The following ADAM10 variants were observed in gnomAD, a reference collection of about 807,000 sequenced individuals.
The protein encoded by ADAM10 is ADAM metallopeptidase domain 10.
ADAM10 carries 17 observed loss-of-function variants against 90.1 expected under a neutral mutation model. The ratio of observed to expected loss-of-function variants is 0.19; its 90% CI spans 0.13 to 0.28. The LOEUF is 0.28. Among genes scored for constraint, ADAM10 ranks in the 10% least tolerant of loss-of-function variants. The pLI is 1.00. For synonymous variants in ADAM10, 310 were observed against 298.6 expected (o/e 1.04, Z -0.40); for missense variants, 610 against 914.3 (o/e 0.67, Z 4.29).
At chr15:58,705,368 T>C (rs949939773) in intron 2 of ADAM10, among the ~76,000 whole-genome samples, 3 of 152,208 alleles carry the variant, frequency 2.0e-5, no homozygotes, top group Non-Finnish European at 4.4e-5. Flanking sequence ...ATAGCGGTTC[T>C]ATTATGATTC....
intron 2 of ADAM10, chr15:58,693,011 A>T: frequency 1.3e-6 from 1 of 781,536 alleles, no homozygotes. Flanking sequence ...TCCAACTTGG[A>T]AGGGTCTGTC....
intron 1 of ADAM10, among the ~76,000 whole-genome samples, chr15:58,739,922 G>A (rs898655420): frequency 2.2e-4 from 34 of 152,282 alleles, no homozygotes; most frequent in Admixed American, 1.7e-3. Flanking sequence ...GTATCCAGAA[G>A]TCCAGTCCAC....
intron 1 of ADAM10, among the ~76,000 whole-genome samples, chr15:58,727,207 C>A (rs956833703): frequency 1.4e-5 from 1 of 71,032 alleles, no homozygotes; most frequent in African/African-American, 8.2e-5. Context: ...TTTTTTTTTC[C>A]CAAAAACAGC....
At chr15:58,684,622 C>G (rs1365773719) in intron 2 of ADAM10, among the ~76,000 whole-genome samples, 2 of 152,238 alleles carry the variant, frequency 1.3e-5, no homozygotes, top group African/African-American at 4.8e-5. Context: ...TCCCACATTC[C>G]TACGCATCTC....
At chr15:58,641,077 T>C in intron 7 of ADAM10, 117 bp from the exon 8 acceptor site, 1 of 996,540 alleles carries the variant, frequency 1.0e-6, no homozygotes, top group Non-Finnish European at 1.5e-6. Flanking sequence ...AAATCAGGCC[T>C]GAATTAAGGC....
intron 1 of ADAM10, among the ~76,000 whole-genome samples, chr15:58,744,400 A>C (rs186353063): frequency 3.3e-4 from 51 of 152,364 alleles, no homozygotes; most frequent in African/African-American, 1.1e-3. Context: ...TACTAGAAAC[A>C]ACCAATTAGA....
chr15:58,706,529 T>C (rs1173323963), intron 2 of ADAM10, among the ~76,000 whole-genome samples: 1 of 152,190 alleles, frequency 6.6e-6, no homozygotes, highest in Admixed American at 6.5e-5. Context: ...GCCAATTATC[T>C]TCCACTAGTA....
Position 58,647,779 on chromosome 15 carries a change from C to T in ADAM10, c.586-1575G>A, listed in dbSNP as rs565936041. Among the ~76,000 whole-genome samples, 7 of 152,260 alleles carry T rather than the reference C, an allele frequency of 4.6e-5. No homozygotes were observed. In the South Asian group the frequency reaches 1.5e-3, roughly 32 times the overall value. On this transcript the variant is annotated intron_variant, in intron 5 of 15. Coordinates refer to ENST00000260408, the MANE Select transcript of ADAM10 (RefSeq NM_001110.4). The stretch of plus-strand genomic sequence containing the variant: ...TGTTGCCCAGGCTGGTCATGAGCTC[C>T]TGGTCTCAAGTAATCCTCCTGTCTC...
chr15:58,609,169 T>C (rs957196000), intron 14 of ADAM10: 7 of 152,118 alleles, frequency 4.6e-5, no homozygotes, highest in Non-Finnish European at 8.8e-5. Flanking sequence ...ACAACTTCAG[T>C]TTGACAGGTA....
intron 7 of ADAM10, 90 bp downstream of exon 7, chr15:58,643,796 T>C (rs570902345): frequency 1.3e-5 from 14 of 1,067,686 alleles, no homozygotes; most frequent in African/African-American, 3.1e-5. Flanking sequence ...TTCATAAAGA[T>C]AAAATTAAAA....
At chr15:58,623,331 C>T (rs371181259) in intron 10 of ADAM10, among the ~76,000 whole-genome samples, 9 of 152,210 alleles carry the variant, frequency 5.9e-5, no homozygotes, top group East Asian at 5.8e-4. Context: ...ACATAGGAGC[C>T]TAGCTGAACC....
chr15:58,701,023 A>AAAC (rs1567002211), intron 2 of ADAM10, among the ~76,000 whole-genome samples: 2 of 23,144 alleles, frequency 8.6e-5, no homozygotes, highest in South Asian at 1.7e-3. Context: ...ACAAAAAAAC[A>AAAC]AAAAAAAAAA....
At chr15:58,690,502 T>G (rs1897748014) in intron 2 of ADAM10, among the ~76,000 whole-genome samples, 1 of 152,116 alleles carries the variant, frequency 6.6e-6, no homozygotes, top group South Asian at 2.1e-4. Context: ...TTTACATACT[T>G]TCAGAACAAA....
intron 1 of ADAM10, among the ~76,000 whole-genome samples, chr15:58,731,823 C>T (rs922252885): frequency 6.6e-6 from 1 of 152,058 alleles, no homozygotes; most frequent in East Asian, 1.9e-4. Flanking sequence ...AAGCCCACCC[C>T]ATGACATGTG....
At position 58,646,237 on chromosome 15, in the gene ADAM10, T is replaced by C. The variant is rs12912286; in HGVS notation, c.586-33A>G. 0.18 allele frequency: 290,927 copies of C among 1,592,442 alleles called. 37,407 individuals are homozygous for C. Among genetic ancestry groups the C allele is most frequent in the African/African-American group, 0.58 (42,993 of 74,566 alleles). ...TCAAAAAGTCATTTCTGACAATTAGTATGCTTCAATACTATCATTTTATCT... is the reference window on the plus strand; with the variant it reads ...TCAAAAAGTCATTTCTGACAATTAGCATGCTTCAATACTATCATTTTATCT... On this transcript the variant is annotated intron_variant, in intron 5 of 15. Coordinates refer to ENST00000260408, the MANE Select transcript of ADAM10 (RefSeq NM_001110.4).
chr15:58,634,385 A>T (rs1268946080), intron 8 of ADAM10, among the ~76,000 whole-genome samples: 1 of 152,106 alleles, frequency 6.6e-6, no homozygotes, highest in Non-Finnish European at 1.5e-5. Flanking sequence ...AAAATTAAAA[A>T]CTGAATTATG....
At position 58,749,557 on chromosome 15, in the gene ADAM10, C is replaced by T. The variant is rs200990431; in HGVS notation, c.-23G>A. On this transcript the variant is annotated 5_prime_UTR_variant, in exon 1 of 16. Coordinates refer to ENST00000260408, the MANE Select transcript of ADAM10 (RefSeq NM_001110.4). ...CATCTTCCGCTGCCGCTGCCGCCGC[C>T]GCCGCCTCCTCACGGGTTAACAGCA... 125 of 1,550,096 alleles carry T rather than the reference C, an allele frequency of 8.1e-5. No individual in the cohort carries two copies. Among genetic ancestry groups the T allele is most frequent in the Non-Finnish European group, 1.1e-4 (124 of 1,146,354 alleles).
At chr15:58,730,418 G>A (rs1415787199) in intron 1 of ADAM10, among the ~76,000 whole-genome samples, 1 of 152,170 alleles carries the variant, frequency 6.6e-6, no homozygotes, top group African/African-American at 2.4e-5. Flanking sequence ...CAGCAGAGTT[G>A]AATAAGCGAA....
At chr15:58,746,753 AAAAT>A (rs746400915) in intron 1 of ADAM10, among the ~76,000 whole-genome samples, 8 of 152,242 alleles carry the variant, frequency 5.3e-5, no homozygotes, top group African/African-American at 9.6e-5. Flanking sequence ...ACTACTTTTT[AAAAT>A]AAATAAACAA....
Sources: gnomAD v4.1 joint callset for allele counts (sites outside exome capture counted in the v4.1 genomes callset) on GRCh38, gnomAD v4.1.1 for gene constraint, MANE v1.5 for transcripts, NCBI Gene and HGNC (gene_info 2026-07-23, HGNC 2026-07-21) for gene names.